The following AKIRIN2 variants were observed in gnomAD, a reference collection of about 807,000 sequenced individuals.
The protein encoded by AKIRIN2 is akirin-2.
In AKIRIN2, 6 loss-of-function variants were observed where a neutral mutation model predicts 29.3. That is an observed-to-expected ratio of 0.20 (90% CI 0.11 to 0.40). The LOEUF (loss-of-function observed/expected upper bound fraction) is 0.40. Among genes scored for constraint, AKIRIN2 ranks in the 10% least tolerant of loss-of-function variants. The pLI is 1.00. For synonymous variants in AKIRIN2, 128 were observed against 117.5 expected (o/e 1.09, Z -0.58); for missense variants, 210 against 276.1 (o/e 0.76, Z 1.70).
chr6:87,692,480 AC>A (rs1771291766), intron 1 of AKIRIN2, among the ~76,000 whole-genome samples: 1 of 152,218 alleles, frequency 6.6e-6, no homozygotes, highest in Non-Finnish European at 1.5e-5. Context: ...GTACATTACT[AC>A]ACTTAATCAA....
intron 1 of AKIRIN2, among the ~76,000 whole-genome samples, chr6:87,691,193 C>A (rs969809239): frequency 6.6e-6 from 1 of 151,204 alleles, no homozygotes; most frequent in Non-Finnish European, 1.5e-5. Context: ...CCTATAATCC[C>A]GGCACTCTGG....
chr6:87,685,165 A>C (rs1771168780), intron 1 of AKIRIN2, among the ~76,000 whole-genome samples: 1 of 152,220 alleles, frequency 6.6e-6, no homozygotes, highest in South Asian at 2.1e-4. Flanking sequence ...GTAACATGTG[A>C]TCAACAATGT....
intron 1 of AKIRIN2, among the ~76,000 whole-genome samples, chr6:87,697,869 T>C (rs1240852416): frequency 6.6e-6 from 1 of 152,268 alleles, no homozygotes; most frequent in Non-Finnish European, 1.5e-5. Context: ...TGTGAATTAA[T>C]GTGCCTAACA....
chr6:87,680,210 G>A (rs1458209226), intron 2 of AKIRIN2, among the ~76,000 whole-genome samples: 1 of 151,806 alleles, frequency 6.6e-6, no homozygotes, highest in Non-Finnish European at 1.5e-5. Context: ...CCCACAATGG[G>A]CATGGCAGTA....
chr6:87,701,862 C>T lies in AKIRIN2; in HGVS notation c.-178G>A, dbSNP rs1771473649. 4.4e-6 allele frequency: 2 copies of T among 452,122 alleles called. No individual in the cohort carries two copies. Among genetic ancestry groups the T allele is most frequent in the Admixed American group, 4.3e-5 (1 of 23,466 alleles). The allele number at this position is 452,122 out of a possible 1,614,324, so 28.0% of individuals were successfully genotyped here. On this transcript the variant is annotated 5_prime_UTR_variant, in exon 1 of 5. Transcript: ENST00000257787. ...GGAGAGCCGCTGCCGCCGCTGCCTC[C>T]GCGGCAGGGGCAGTGGCCAGGGACG...
chr6:87,697,439 A>T (rs143267297), intron 1 of AKIRIN2, among the ~76,000 whole-genome samples: 1,527 of 152,324 alleles, frequency 0.01, 26 homozygotes, highest in African/African-American at 0.034. Flanking sequence ...CACAGTCCTA[A>T]ATAGAATATC....
intron 1 of AKIRIN2, among the ~76,000 whole-genome samples, chr6:87,694,558 T>TA (rs1469315045): frequency 1.3e-5 from 2 of 152,148 alleles, no homozygotes; most frequent in African/African-American, 2.4e-5. Flanking sequence ...AATGTTTTAA[T>TA]AATGTTAAGA....
intron 1 of AKIRIN2, among the ~76,000 whole-genome samples, chr6:87,690,041 T>C (rs545178735): frequency 6.6e-5 from 10 of 152,026 alleles, no homozygotes; most frequent in Non-Finnish European, 1.3e-4. Flanking sequence ...TGAAACCCTG[T>C]CTCTACTAAA....
chr6:87,699,546 AC>A (rs1771424734), intron 1 of AKIRIN2, among the ~76,000 whole-genome samples: 1 of 152,162 alleles, frequency 6.6e-6, no homozygotes, highest in South Asian at 2.1e-4. Flanking sequence ...CAAAAAAAAA[AC>A]ACCTTGAAGA....
intron 1 of AKIRIN2, among the ~76,000 whole-genome samples, chr6:87,700,200 T>C (rs1381170843): frequency 2.0e-5 from 3 of 149,970 alleles, no homozygotes; most frequent in Non-Finnish European, 3.0e-5. Flanking sequence ...AAATATTTAA[T>C]AGCAAAAATG....
In AKIRIN2 at chr6:87,701,620, G is replaced by C. The variant is rs776169561; in HGVS notation, c.65C>G (p.Pro22Arg). Residue 22 changes from proline to arginine, a missense_variant, in exon 1 of 5, where the codon CCG becomes CGG. Coordinates refer to ENST00000257787, the MANE Select transcript of AKIRIN2 (RefSeq NM_018064.4). Reference sequence around the variant, plus strand: ...CAATGGCGCACATCGCCTGCGCTTCGGGGACGCCGGGCTCAACAGCGGGTC... The same window carrying C: ...CAATGGCGCACATCGCCTGCGCTTCCGGGACGCCGGGCTCAACAGCGGGTC... ...DFDPLLSPASPKRRRCAPLSA... is the reference protein window; with the variant it reads ...DFDPLLSPASRKRRRCAPLSA... The C allele has an allele frequency of 1.4e-6, 2 of 1,457,368 alleles. No individual in the cohort carries two copies. Among genetic ancestry groups the C allele is most frequent in the African/African-American group, 1.5e-5 (1 of 66,950 alleles). The allele number at this position is 1,457,368 out of a possible 1,614,324, so 90.3% of individuals were successfully genotyped here. A position where few individuals can be genotyped will look rare whatever the true frequency, so the allele number is the denominator to read the frequency against.
chr6:87,686,080 T>G (rs1271532315), intron 1 of AKIRIN2, among the ~76,000 whole-genome samples: 1 of 152,064 alleles, frequency 6.6e-6, no homozygotes, highest in Non-Finnish European at 1.5e-5. Context: ...CTGGGTGTGG[T>G]GGCGGGCCCC....
chr6:87,683,854 A>G (rs2754255), intron 1 of AKIRIN2, among the ~76,000 whole-genome samples: 48,085 of 151,916 alleles, frequency 0.32, 9,129 homozygotes, highest in African/African-American at 0.54. Context: ...GTTTCACCAC[A>G]TTGGTCAGGC....
chr6:87,690,905 G>A (rs1771267516), intron 1 of AKIRIN2, among the ~76,000 whole-genome samples: 1 of 152,122 alleles, frequency 6.6e-6, no homozygotes, highest in South Asian at 2.1e-4. Context: ...TCCAGGAGAT[G>A]GAGGTTGCAG....
chr6:87,686,110 G>A (rs1015190134), intron 1 of AKIRIN2, among the ~76,000 whole-genome samples: 2 of 152,140 alleles, frequency 1.3e-5, no homozygotes, highest in Non-Finnish European at 2.9e-5. Context: ...AGCTACTTGG[G>A]AGGCAGAGGC....
intron 1 of AKIRIN2, among the ~76,000 whole-genome samples, chr6:87,693,945 T>C (rs1451843103): frequency 1.3e-5 from 2 of 152,156 alleles, no homozygotes; most frequent in Non-Finnish European, 1.5e-5. Flanking sequence ...TTCTAGATAA[T>C]CATATTTTAG....
intron 1 of AKIRIN2, among the ~76,000 whole-genome samples, chr6:87,690,622 T>C (rs1278663994): frequency 6.6e-6 from 1 of 152,248 alleles, no homozygotes. Flanking sequence ...ATGTGACTGA[T>C]GATGAAGCAA....
intron 1 of AKIRIN2, among the ~76,000 whole-genome samples, chr6:87,687,537 A>G (rs1771208660): frequency 6.6e-6 from 1 of 151,972 alleles, no homozygotes; most frequent in Non-Finnish European, 1.5e-5. Context: ...AAACTAAAAC[A>G]GTTATGTTCT....
rs980420261 is a variant in AKIRIN2 at position 87,675,308 on chromosome 6, C to A, written c.*289G>T. The A allele has an allele frequency of 6.7e-6, 3 of 449,760 alleles. No homozygotes were observed. The highest frequency in any genetic ancestry group is 5.8e-5 in the African/African-American group (3 of 51,372). 27.9% of individuals were successfully genotyped at this position (449,760 alleles called of 1,614,324 possible). Reference sequence around the variant, plus strand: ...CCAGTGAAGGGCATGTTCTAGAATACCAGCTTTAATCCTTTTCAAACATTA... The same window carrying A: ...CCAGTGAAGGGCATGTTCTAGAATAACAGCTTTAATCCTTTTCAAACATTA... On this transcript the variant is annotated 3_prime_UTR_variant, in exon 5 of 5. Coordinates refer to ENST00000257787, the MANE Select transcript of AKIRIN2 (RefSeq NM_018064.4).
Sources: gnomAD v4.1 joint callset for allele counts (sites outside exome capture counted in the v4.1 genomes callset) on GRCh38, gnomAD v4.1.1 for gene constraint, MANE v1.5 for transcripts, NCBI Gene and HGNC (gene_info 2026-07-23, HGNC 2026-07-21) for gene names.